The following SCAP variants were observed in gnomAD, a reference collection of about 807,000 sequenced individuals.
SCAP encodes the protein SREBF chaperone, also known as sterol regulatory element-binding protein cleavage-activating protein.
SCAP carries 65 observed loss-of-function variants against 123.6 expected under a neutral mutation model. That is an observed-to-expected ratio of 0.53 (90% CI 0.43 to 0.65). The LOEUF (loss-of-function observed/expected upper bound fraction) is 0.65. Among genes scored for constraint, SCAP ranks in the 30% least tolerant of loss-of-function variants. SCAP has a pLI of 0.00. For missense variants in SCAP, 1,398 were observed against 1,712.5 expected, an observed-to-expected ratio of 0.82 and a Z score of 3.24; for synonymous variants, 740 against 726.3, an observed-to-expected ratio of 1.02 and a Z score of -0.30.
In SCAP at chr3:47,418,746, G is replaced by A; in HGVS notation, c.2038C>T (p.Pro680Ser). Residue 680 changes from proline (P) to serine (S), a missense_variant, in exon 14 of 23, where the codon CCC becomes TCC. By Grantham distance (74) the Pro-to-Ser change is moderately conservative (BLOSUM62 -1). This residue lies in a region of SCAP where 828 missense variants were observed against 882.5 expected (regional missense o/e 0.94). Coordinates refer to ENST00000265565, the MANE Select transcript of SCAP (RefSeq NM_012235.4). ...CCAGCAGGTATGGGCCCCGGTGGGG[G>A]CCAGGCACTGCGGCCGTCCTGAGGG... ...RHPQDGRSAW[P>S]PPGPIPAGHW... 1 of 1,595,564 alleles carries A rather than the reference G, an allele frequency of 6.3e-7. No homozygotes were observed. The highest frequency in any genetic ancestry group is 8.5e-7 in the Non-Finnish European group (1 of 1,173,152).
intron 3 of SCAP, among the ~76,000 whole-genome samples, chr3:47,432,785 C>T (rs760598759): frequency 2.0e-5 from 3 of 152,168 alleles, no homozygotes; most frequent in Non-Finnish European, 4.4e-5. Context: ...TCAAGCGATC[C>T]TCCTGCCTCA....
At chr3:47,475,548 G>A (rs78227673) in intron 1 of SCAP, 1,822 of 152,432 alleles carry the variant, frequency 0.012, 27 homozygotes, top group South Asian at 0.053. Context: ...GGGGCCCGCG[G>A]AGGTCTGGTG....
upstream of SCAP, among the ~76,000 whole-genome samples, chr3:47,476,332 G>C (rs993342191): frequency 3.9e-5 from 6 of 152,144 alleles, no homozygotes; most frequent in African/African-American, 1.4e-4. Flanking sequence ...GTGGTGGCGC[G>C]CACCTGTGGT....
At chr3:47,454,134 G>A (rs982755953) in intron 1 of SCAP, among the ~76,000 whole-genome samples, 8 of 151,720 alleles carry the variant, frequency 5.3e-5, no homozygotes, top group Admixed American at 2.0e-4. Context: ...TTGGGTGGCC[G>A]AGGCGGGCGG....
chr3:47,425,216 A>G (rs576621647), intron 8 of SCAP: 1 of 429,782 alleles, frequency 2.3e-6, no homozygotes, highest in South Asian at 3.2e-5. Context: ...AAACATACCA[A>G]CACACACCCC....
At chr3:47,427,078 T>A (rs1706164779) in intron 6 of SCAP, 79 bp downstream of exon 6, 1 of 1,023,748 alleles carries the variant, frequency 9.8e-7, no homozygotes, top group Non-Finnish European at 1.5e-6. Context: ...TTCAGAACAC[T>A]CTAACCAGAA....
chr3:47,427,394 C>T (rs575943750), intron 5 of SCAP, 53 bp downstream of exon 5: 55 of 1,578,510 alleles, frequency 3.5e-5, no homozygotes, highest in Non-Finnish European at 4.0e-5. Flanking sequence ...ATCAAAAAGA[C>T]GGTGACCAAT....
rs771985529 is a variant in SCAP at position 47,435,075 on chromosome 3, T to C, written c.185A>G (p.Lys62Arg). 71 of 1,614,112 alleles carry C rather than the reference T, an allele frequency of 4.4e-5. No homozygotes were observed. The East Asian group carries it at 1.4e-3, about 32-fold the overall frequency. ...TGPVEFTTPV[K>R]DYSPPPVDSD... ...GTCCACAGGTGGGGGCGAGTAATCC[T>C]TCACAGGGGTGGTGAATTCCACAGG... The change falls in exon 3 of 23, where the codon AAG becomes AGG. Residue 62 changes from lysine (K) to arginine (R), a missense_variant. This residue lies in a region of SCAP where 319 missense variants were observed against 432.4 expected (regional missense o/e 0.74). Transcript: ENST00000265565.
chr3:47,414,768 A>G, intron 20 of SCAP, 59 bp downstream of exon 20: 1 of 1,600,786 alleles, frequency 6.2e-7, no homozygotes, highest in African/African-American at 1.3e-5. Flanking sequence ...TGACGAATGC[A>G]TCAGGCTCCC....
At chr3:47,430,096 T>A (rs981329552) in intron 3 of SCAP, among the ~76,000 whole-genome samples, 1 of 152,198 alleles carries the variant, frequency 6.6e-6, no homozygotes, top group Admixed American at 6.5e-5. Context: ...CACACACGCA[T>A]ACAAACAGTG....
At chr3:47,461,389 T>C (rs1470238239) in intron 1 of SCAP, among the ~76,000 whole-genome samples, 3 of 152,236 alleles carry the variant, frequency 2.0e-5, no homozygotes, top group Non-Finnish European at 4.4e-5. Context: ...AGTAAAACTT[T>C]CCAGCTAACA....
intron 1 of SCAP, among the ~76,000 whole-genome samples, chr3:47,461,833 A>G (rs547709418): frequency 2.0e-5 from 3 of 152,208 alleles, no homozygotes; most frequent in Non-Finnish European, 4.4e-5. Flanking sequence ...CAGGAGTTTG[A>G]GACCAGCGTG....
Position 47,420,710 on chromosome 3 carries a change from T to C in SCAP, c.1407A>G (p.Gly469=), listed in dbSNP as rs900690. ...EACLPSAKPV[G]QPTRYERQLA... is the part of the protein sequence containing the mutation. ...GCTGCCGCTCGTAGCGCGTTGGCTG[T>C]CCCACTGGCTTGGCTGAGGGCAGGC... The change falls in exon 12 of 23, where the codon GGA becomes GGG. Residue 469 remains glycine (G), a synonymous_variant. Transcript: ENST00000265565. This position sits in a 1 kb window ranked among gnomAD's most constrained non-coding sequence, Gnocchi z 5.0. 0.99 allele frequency: 1,598,401 copies of C among 1,611,454 alleles called. 793,473 individuals are homozygous for C. The highest frequency in any genetic ancestry group is 1 in the East Asian group (44,886 of 44,886).
chr3:47,472,208 T>C (rs1479955323), intron 1 of SCAP, among the ~76,000 whole-genome samples: 1 of 143,086 alleles, frequency 7.0e-6, no homozygotes, highest in African/African-American at 2.6e-5. Context: ...CCGAGGCGAG[T>C]GGATCATGAG....
chr3:47,430,796 G>A (rs1576272946), intron 3 of SCAP, among the ~76,000 whole-genome samples: 1 of 151,828 alleles, frequency 6.6e-6, no homozygotes, highest in East Asian at 1.9e-4. Flanking sequence ...GCAGGGCCCA[G>A]CCCAGCTGAG....
At chr3:47,463,376 C>T (rs1276481908) in intron 1 of SCAP, among the ~76,000 whole-genome samples, 1 of 152,120 alleles carries the variant, frequency 6.6e-6, no homozygotes, top group African/African-American at 2.4e-5. Context: ...CTTTCTAAAG[C>T]ACAAATCACT....
Position 47,420,686 on chromosome 3 carries a change from C to T in SCAP, c.1431G>A (p.Gln477=). Residue 477 remains glutamine (Q), a synonymous_variant, in exon 12 of 23, where the codon CAG becomes CAA. Transcript: ENST00000265565. This position sits in a 1 kb window ranked among gnomAD's most constrained non-coding sequence, Gnocchi z 5.0. ...PVGQPTRYER[Q]LAVRPSTPHT... is the part of the protein sequence containing the mutation. ...GGGGTGTGGACGGCCTCACAGCCAGCTGCCGCTCGTAGCGCGTTGGCTGTC... is the reference window on the plus strand; with the variant it reads ...GGGGTGTGGACGGCCTCACAGCCAGTTGCCGCTCGTAGCGCGTTGGCTGTC... 1 of 1,611,762 alleles carries T rather than the reference C, an allele frequency of 6.2e-7. No homozygotes were observed. Among genetic ancestry groups the T allele is most frequent in the South Asian group, 1.1e-5 (1 of 90,998 alleles).
rs375974703 is a variant in SCAP at position 47,426,688 on chromosome 3, C to T, written c.737+469G>A. 4.6e-5 allele frequency among the ~76,000 whole-genome samples: 7 copies of T among 152,274 alleles called. No homozygotes were observed. In the East Asian group the frequency reaches 5.8e-4, roughly 13 times the overall value. On this transcript the variant is annotated intron_variant, in intron 6 of 22. Coordinates refer to ENST00000265565, the MANE Select transcript of SCAP (RefSeq NM_012235.4). ...TCCTGACCTCATGATCCGCCTGCCT[C>T]GGCCTCCCAAAGTCTGGGATTACAG...
chr3:47,435,465 AACAT>A (rs68028519), intron 2 of SCAP, among the ~76,000 whole-genome samples: 22,315 of 121,220 alleles, frequency 0.18, 2,041 homozygotes, highest in East Asian at 0.22. Flanking sequence ...ATATAATATA[AACAT>A]ACACACACAC....
Sources: gnomAD v4.1 joint callset for allele counts (sites outside exome capture counted in the v4.1 genomes callset) on GRCh38, gnomAD v4.1.1 for gene constraint, gnomAD v4.1.1 regional missense constraint, Gnocchi (gnomAD v3.1) non-coding constraint, MANE v1.5 for transcripts, NCBI Gene and HGNC (gene_info 2026-07-23, HGNC 2026-07-21) for gene names.